The following DLGAP1 variants were observed in gnomAD, a reference collection of about 807,000 sequenced individuals.
DLGAP1 encodes DLG associated protein 1, also known as disks large-associated protein 1.
Under a neutral mutation model 90.8 loss-of-function variants are expected in DLGAP1, and 11 were observed. That is an observed-to-expected ratio of 0.12 (90% confidence interval 0.08 to 0.20). The LOEUF (loss-of-function observed/expected upper bound fraction) is 0.20. DLGAP1 is among the 10% of genes least tolerant of loss of function. The pLI is 1.00. For missense variants in DLGAP1, 1,050 were observed against 1,333.8 expected, an observed-to-expected ratio of 0.79 and a Z score of 3.31; for synonymous variants, 558 against 540.7, an observed-to-expected ratio of 1.03 and a Z score of -0.44.
chr18:4,425,703 T>C (rs938123124), intron 1 of DLGAP1, among the ~76,000 whole-genome samples: 2 of 152,198 alleles, frequency 1.3e-5, no homozygotes, highest in Admixed American at 6.5e-5. Flanking sequence ...GTGATCAAAA[T>C]AGACATGGCC....
chr18:3,501,446 C>T (rs997756353), intron 12 of DLGAP1, among the ~76,000 whole-genome samples: 48 of 152,154 alleles, frequency 3.2e-4, no homozygotes, highest in African/African-American at 9.9e-4. Context: ...CTTAACACTA[C>T]GACCCCCATT....
chr18:3,904,342 TG>T (rs1235535317), intron 3 of DLGAP1, among the ~76,000 whole-genome samples: 10 of 152,116 alleles, frequency 6.6e-5, no homozygotes, highest in African/African-American at 2.4e-4. Context: ...ATGTGGTAGG[TG>T]GCACTAAGGA....
At chr18:4,004,024 G>C (rs189263612) in intron 3 of DLGAP1, among the ~76,000 whole-genome samples, 1 of 152,308 alleles carries the variant, frequency 6.6e-6, no homozygotes, top group East Asian at 1.9e-4. Context: ...AGAAGCTACA[G>C]TGTCCAGGGC....
In DLGAP1 at chr18:4,350,925, T is replaced by C. The variant is rs75950053; in HGVS notation, c.-267+104081A>G. ...TCTCCAGGAGACTTTGGAATTAATA[T>C]AGACCACTCTGCAGAAATAATGACC... is the stretch of plus-strand genomic sequence containing the variant. On this transcript the variant is annotated intron_variant, in intron 1 of 12. Transcript: ENST00000315677. 2.0e-3 allele frequency among the ~76,000 whole-genome samples: 303 copies of C among 152,246 alleles called. 2 individuals carry two copies. The highest frequency in any genetic ancestry group is 6.9e-3 in the African/African-American group (287 of 41,560).
chr18:3,666,322 T>G (rs898505309), intron 7 of DLGAP1, among the ~76,000 whole-genome samples: 1 of 152,188 alleles, frequency 6.6e-6, no homozygotes, highest in African/African-American at 2.4e-5. Flanking sequence ...AAGAAAGGAT[T>G]TTTAAACATA....
rs141253944 is a variant in DLGAP1 at position 3,526,521 on chromosome 18, A to C, written c.2479+7673T>G. Among the ~76,000 whole-genome samples the C allele has an allele frequency of 9.8e-5, 15 of 152,394 alleles. No homozygotes were observed. The East Asian group carries it at 2.9e-3, about 29-fold the overall frequency. Reference sequence around the variant, plus strand: ...ACTAGCTTGGATGCTATTACCAGGCAAAATTAAAGTGGAAGAATTAATCTG... The same window carrying C: ...ACTAGCTTGGATGCTATTACCAGGCCAAATTAAAGTGGAAGAATTAATCTG... On this transcript the variant is annotated intron_variant, in intron 10 of 12. Coordinates refer to ENST00000315677, the MANE Select transcript of DLGAP1 (RefSeq NM_004746.4). This position sits in a 1 kb window ranked among gnomAD's most constrained non-coding sequence, Gnocchi z 4.7.
At chr18:4,176,871 C>T (rs1306970942) in intron 1 of DLGAP1, among the ~76,000 whole-genome samples, 1 of 152,156 alleles carries the variant, frequency 6.6e-6, no homozygotes, top group East Asian at 1.9e-4. Context: ...ATAAAAGATG[C>T]AGAGGTGCCC....
Position 3,711,663 on chromosome 18 carries a change from G to C in DLGAP1, c.1591+17472C>G, listed in dbSNP as rs2147231551. 6.6e-6 allele frequency among the ~76,000 whole-genome samples: 1 copy of C among 152,126 alleles called. No individual in the cohort carries two copies. Among genetic ancestry groups the C allele is most frequent in the East Asian group, 1.9e-4 (1 of 5,162 alleles). ...AGACCAGCCTGGGCAACACAGCAAA[G>C]CTCCATCTCTACAAAGAAAATTAAA... On this transcript the variant is annotated intron_variant, in intron 7 of 12. Coordinates refer to ENST00000315677, the MANE Select transcript of DLGAP1 (RefSeq NM_004746.4). The surrounding 1 kb of genome is among the most constrained non-coding windows in gnomAD (Gnocchi z 4.0).
Position 4,378,351 on chromosome 18 carries a change from T to C in DLGAP1, c.-267+76655A>G, listed in dbSNP as rs116625046. Reference sequence around the variant, plus strand: ...TTTTCAATTAAAAATTTAGAAGGTATGTTAACAGGACCAATGCAATACATT... The same window carrying C: ...TTTTCAATTAAAAATTTAGAAGGTACGTTAACAGGACCAATGCAATACATT... On this transcript the variant is annotated intron_variant, in intron 1 of 12. Coordinates refer to ENST00000315677, the MANE Select transcript of DLGAP1 (RefSeq NM_004746.4). This position sits in a 1 kb window ranked among gnomAD's most constrained non-coding sequence, Gnocchi z 4.5. Among the ~76,000 whole-genome samples the C allele has an allele frequency of 6.4e-3, 980 of 152,174 alleles. 11 individuals carry two copies. The highest frequency in any genetic ancestry group is 0.023 in the African/African-American group (937 of 41,548).
chr18:3,580,723 G>C, intron 8 of DLGAP1: 1 of 1,613,882 alleles, frequency 6.2e-7, no homozygotes, highest in Non-Finnish European at 8.5e-7. Context: ...AGGCCTCTCA[G>C]GACCAGGACA....
chr18:4,264,094 T>A (rs1031962353), intron 1 of DLGAP1, among the ~76,000 whole-genome samples: 5 of 152,202 alleles, frequency 3.3e-5, no homozygotes, highest in African/African-American at 1.2e-4. Flanking sequence ...GCAAAATCAA[T>A]TATAAAATGG....
intron 3 of DLGAP1, among the ~76,000 whole-genome samples, chr18:3,959,084 A>T (rs998745776): frequency 6.6e-6 from 1 of 152,224 alleles, no homozygotes; most frequent in Non-Finnish European, 1.5e-5. Context: ...TCAGCACCAC[A>T]TTATATTCTC....
chr18:4,241,917 T>C (rs2078543141), intron 1 of DLGAP1, among the ~76,000 whole-genome samples: 1 of 152,200 alleles, frequency 6.6e-6, no homozygotes, highest in African/African-American at 2.4e-5. Flanking sequence ...ATTGTATATA[T>C]TTATCATGTA....
intron 3 of DLGAP1, among the ~76,000 whole-genome samples, chr18:3,941,347 G>A (rs971594088): frequency 2.6e-5 from 4 of 152,168 alleles, no homozygotes; most frequent in Non-Finnish European, 5.9e-5. Flanking sequence ...GGAGGGGCCT[G>A]GCTGCAGTTC....
intron 3 of DLGAP1, among the ~76,000 whole-genome samples, chr18:3,923,727 T>C (rs1435675188): frequency 2.6e-5 from 4 of 152,258 alleles, no homozygotes; most frequent in African/African-American, 9.6e-5. Context: ...TCTTGCTATC[T>C]GGAAGTATAA....
intron 3 of DLGAP1, among the ~76,000 whole-genome samples, chr18:3,990,785 C>G (rs944802845): frequency 2.0e-5 from 3 of 151,786 alleles, no homozygotes; most frequent in African/African-American, 7.2e-5. Flanking sequence ...CCAGATTTGC[C>G]TTCTACAGTT....
intron 5 of DLGAP1, among the ~76,000 whole-genome samples, chr18:3,750,946 A>G (rs1163077834): frequency 6.6e-6 from 1 of 152,194 alleles, no homozygotes; most frequent in African/African-American, 2.4e-5. Context: ...TTCCCAGACT[A>G]AAGTCCTCCA....
At chr18:4,406,798 A>C (rs1031739922) in intron 1 of DLGAP1, among the ~76,000 whole-genome samples, 2 of 152,244 alleles carry the variant, frequency 1.3e-5, no homozygotes, top group African/African-American at 2.4e-5. Context: ...TGAAATCGGG[A>C]GAAATCTTAT....
At chr18:4,246,723 C>T (rs1326095580) in intron 1 of DLGAP1, among the ~76,000 whole-genome samples, 2 of 152,210 alleles carry the variant, frequency 1.3e-5, no homozygotes, top group South Asian at 2.1e-4. Context: ...TGTTAATTCA[C>T]CACTGGACAA....
Sources: gnomAD v4.1 joint callset for allele counts (sites outside exome capture counted in the v4.1 genomes callset) on GRCh38, gnomAD v4.1.1 for gene constraint, Gnocchi (gnomAD v3.1) non-coding constraint, MANE v1.5 for transcripts, NCBI Gene and HGNC (gene_info 2026-07-23, HGNC 2026-07-21) for gene names.